The following SYNE1 variants were observed in gnomAD, a reference collection of about 807,000 sequenced individuals.
The protein encoded by SYNE1 is spectrin repeat containing nuclear envelope protein 1, also known as nesprin-1.
SYNE1 carries 616 observed loss-of-function variants against 1,111.0 expected under a neutral mutation model. That is an observed-to-expected ratio of 0.55 (90% CI 0.52 to 0.59). The LOEUF (loss-of-function observed/expected upper bound fraction) is 0.59. Ranked by LOEUF, SYNE1 falls within the 20% of genes least tolerant of loss-of-function variation. The probability of loss-of-function intolerance (pLI) is 0.00; values close to 1 mark genes in which losing one functional copy is unlikely to be tolerated. For missense variants in SYNE1, 10,006 were observed against 10,417.0 expected (o/e 0.96, Z 1.72); for synonymous variants, 3,855 against 3,825.8 (o/e 1.01, Z -0.28).
intron 129 of SYNE1, among the ~76,000 whole-genome samples, chr6:152,178,052 C>A (rs1440817051): frequency 3.3e-5 from 5 of 151,764 alleles, no homozygotes; most frequent in Admixed American, 6.6e-5. Context: ...TAAAAAAAAA[C>A]CCATGAGTTA....
Position 152,121,716 on chromosome 6 carries a change from G to A in SYNE1, c.*720C>T, listed in dbSNP as rs1310177262. On this transcript the variant is annotated 3_prime_UTR_variant, in exon 146 of 146. Coordinates refer to ENST00000367255, the MANE Select transcript of SYNE1 (RefSeq NM_182961.4). ...TTATAATATCTATAATAAATGCAAA[G>A]AAATCAATACAAACAAAACTTGGCT... The A allele has an allele frequency of 6.6e-6, 1 of 152,146 alleles. No homozygotes were observed. The highest frequency in any genetic ancestry group is 1.5e-5 in the Non-Finnish European group (1 of 67,968). 9.4% of individuals were successfully genotyped at this position (152,146 alleles called of 1,614,324 possible).
chr6:152,448,841 AAAAC>A (rs80176844), intron 28 of SYNE1, among the ~76,000 whole-genome samples: 192 of 151,718 alleles, frequency 1.3e-3, no homozygotes, highest in Admixed American at 2.2e-3. Context: ...CTTGTCTCAA[AAAAC>A]AAACAAACAA....
chr6:152,261,748 G>C (rs903372470), intron 101 of SYNE1, among the ~76,000 whole-genome samples: 1 of 152,180 alleles, frequency 6.6e-6, no homozygotes, highest in Non-Finnish European at 1.5e-5. Flanking sequence ...CACACAAAAA[G>C]AGGGCACTTA....
chr6:152,311,783 A>T (rs1962704), intron 87 of SYNE1, among the ~76,000 whole-genome samples: 68,909 of 147,760 alleles, frequency 0.47, 16,280 homozygotes, highest in East Asian at 0.67. Flanking sequence ...CTATTTATTT[A>T]TTTCTTTTTT....
Position 152,381,156 on chromosome 6 carries a change from A to C in SYNE1, c.8859T>G (p.Leu2953=), listed in dbSNP as rs2097406961. 2 of 1,614,072 alleles carry C rather than the reference A, an allele frequency of 1.2e-6. No homozygotes were observed. The highest frequency in any genetic ancestry group is 2.7e-5 in the African/African-American group (2 of 74,918). ...CLENLVSQMA[L]SEQEFSGQVA... is the part of the protein sequence containing the mutation. The stretch of plus-strand genomic sequence containing the variant: ...CTTGGCCTGAGAATTCCTGCTCCGA[A>C]AGGGCCATCTGGCTGACCAGGTTCT... The change falls in exon 56 of 146, where the codon CTT becomes CTG. Residue 2953 remains leucine, a synonymous_variant. Transcript: ENST00000367255.
At chr6:152,610,352 C>T (rs960845353) in intron 3 of SYNE1, among the ~76,000 whole-genome samples, 3 of 152,054 alleles carry the variant, frequency 2.0e-5, no homozygotes, top group Non-Finnish European at 4.4e-5. Context: ...GATGCATACA[C>T]AAGCTTCAAT....
At chr6:152,542,138 A>G (rs2099274002) in intron 3 of SYNE1, among the ~76,000 whole-genome samples, 2 of 152,158 alleles carry the variant, frequency 1.3e-5, no homozygotes, top group African/African-American at 4.8e-5. Flanking sequence ...ATGATACCCA[A>G]ATCTCTGTCT....
chr6:152,241,519 T>TGTGTG (rs1009553619), intron 107 of SYNE1, among the ~76,000 whole-genome samples: 5 of 137,214 alleles, frequency 3.6e-5, no homozygotes, highest in African/African-American at 1.4e-4. Flanking sequence ...TGTGTGTGTG[T>TGTGTG]GTGTGTGTGT....
chr6:152,250,057 G>T (rs2088655507), intron 104 of SYNE1, among the ~76,000 whole-genome samples: 1 of 151,920 alleles, frequency 6.6e-6, no homozygotes, highest in African/African-American at 2.4e-5. Flanking sequence ...GAGGCCAGGA[G>T]TTCAAGACCA....
At chr6:152,531,209 GA>G (rs1393853013) in intron 4 of SYNE1, among the ~76,000 whole-genome samples, 16 of 149,684 alleles carry the variant, frequency 1.1e-4, no homozygotes, top group African/African-American at 2.9e-4. Flanking sequence ...ATAAGAAAAT[GA>G]AAAAAAAAAT....
intron 3 of SYNE1, among the ~76,000 whole-genome samples, chr6:152,559,067 G>T (rs919626898): frequency 6.6e-6 from 1 of 150,536 alleles, no homozygotes; most frequent in Non-Finnish European, 1.5e-5. Flanking sequence ...GAGTGCAGTG[G>T]CACTCACTGT....
Position 152,170,703 on chromosome 6 carries a change from T to C in SYNE1, c.23627+5691A>G, listed in dbSNP as rs546655714. 2.0e-5 allele frequency among the ~76,000 whole-genome samples: 3 copies of C among 152,330 alleles called. No individual in the cohort carries two copies. In the South Asian group the frequency reaches 6.2e-4, roughly 32 times the overall value. ...CAGCTGCTAGGAACTTCACAAAGCC[T>C]TGCTTGCACTGCATATGTGTTTTAC... On this transcript the variant is annotated intron_variant, in intron 130 of 145. Transcript: ENST00000367255.
chr6:152,527,315 AT>A (rs2099168182), intron 4 of SYNE1, among the ~76,000 whole-genome samples: 1 of 152,104 alleles, frequency 6.6e-6, no homozygotes, highest in Non-Finnish European at 1.5e-5. Context: ...GTTAAAATGT[AT>A]TTTTCTCTCA....
chr6:152,278,181 C>A lies in SYNE1; in HGVS notation c.18481G>T (p.Glu6161Ter). ...LLEGKAHTKD[E>*]AEQLAGKLRR... is the part of the protein sequence containing the mutation. ...AGCTTTCCAGCCAGCTGCTCGGCCT[C>A]GTCCTTGGTGTGAGCTTTGCCCTCC... The change falls in exon 98 of 146, where the codon GAG becomes TAG. Residue 6161 changes from glutamate to a stop codon, truncating the protein, a stop_gained. Coordinates refer to ENST00000367255, the MANE Select transcript of SYNE1 (RefSeq NM_182961.4). LOFTEE classifies it high-confidence loss of function. The A allele has an allele frequency of 6.2e-7, 1 of 1,614,180 alleles. No individual in the cohort carries two copies. Among genetic ancestry groups the A allele is most frequent in the East Asian group, 2.2e-5 (1 of 44,866 alleles).
chr6:152,335,920 C>G (rs1393431029), intron 76 of SYNE1: 2 of 152,034 alleles, frequency 1.3e-5, no homozygotes, highest in African/African-American at 4.8e-5. Context: ...CTCCTGGCCT[C>G]AAGTGATCTG....
In SYNE1 at chr6:152,292,055, C is replaced by T. The variant is rs141067144; in HGVS notation, c.18012+1533G>A. Among the ~76,000 whole-genome samples the T allele has an allele frequency of 2.2e-4, 34 of 152,218 alleles. No homozygotes were observed. In the East Asian group the frequency reaches 6.6e-3, roughly 29 times the overall value. ...ACAGAACCGCAGGAGCAAGGAAGACCTAGGAGCCACAGGGAGCACACTGGA... is the reference window on the plus strand; with the variant it reads ...ACAGAACCGCAGGAGCAAGGAAGACTTAGGAGCCACAGGGAGCACACTGGA... On this transcript the variant is annotated intron_variant, in intron 95 of 145. Transcript: ENST00000367255.
intron 4 of SYNE1, among the ~76,000 whole-genome samples, chr6:152,528,405 G>T (rs112019154): frequency 6.6e-6 from 1 of 152,100 alleles, no homozygotes; most frequent in Non-Finnish European, 1.5e-5. Flanking sequence ...GACAAGTTTT[G>T]CCATCCAGTT....
intron 14 of SYNE1, chr6:152,480,774 A>G (rs1162503103): frequency 2.2e-6 from 1 of 455,848 alleles, no homozygotes; most frequent in Admixed American, 2.3e-5. Context: ...TACATTCCTT[A>G]GTTTTCTCTT....
intron 64 of SYNE1, among the ~76,000 whole-genome samples, chr6:152,360,643 T>C (rs950041786): frequency 6.6e-6 from 1 of 152,216 alleles, no homozygotes. Context: ...CTGTTTTTAC[T>C]GCTAGAATCG....
Sources: allele counts gnomAD v4.1 joint callset (sites outside exome capture counted in the v4.1 genomes callset), GRCh38; gene constraint gnomAD v4.1.1; transcripts MANE v1.5; gene names NCBI Gene and HGNC (gene_info 2026-07-23, HGNC 2026-07-21).